HIVEP3: variants seen among roughly 807,000 people sequenced by gnomAD.
HIVEP3 encodes the protein transcription factor HIVEP3.
Under a neutral mutation model 152.8 loss-of-function variants are expected in HIVEP3, and 49 were observed. The ratio of observed to expected loss-of-function variants is 0.32; its 90% confidence interval spans 0.26 to 0.41. The LOEUF is 0.41. HIVEP3 is among the 10% of genes least tolerant of loss of function. The pLI is 1.00. For missense variants in HIVEP3, 2,790 were observed against 3,103.3 expected, an observed-to-expected ratio of 0.90 and a Z score of 2.40; for synonymous variants, 1,269 against 1,289.0, an observed-to-expected ratio of 0.98 and a Z score of 0.33.
At chr1:41,527,561 ACTCTTT>A (rs1643032717) in intron 5 of HIVEP3, among the ~76,000 whole-genome samples, 1 of 103,254 alleles carries the variant, frequency 9.7e-6, no homozygotes, top group African/African-American at 3.9e-5. Context: ...ACACCCTCAC[ACTCTTT>A]CACACTCCAC....
At chr1:41,898,332 A>AG (rs1644567239) in intron 1 of HIVEP3, among the ~76,000 whole-genome samples, 2 of 152,282 alleles carry the variant, frequency 1.3e-5, no homozygotes, top group South Asian at 4.1e-4. Context: ...GTCTCCCTGG[A>AG]GGGGGAGGGG....
At chr1:41,609,107 GAA>G (rs1644862618) in intron 3 of HIVEP3, among the ~76,000 whole-genome samples, 1 of 152,084 alleles carries the variant, frequency 6.6e-6, no homozygotes, top group Non-Finnish European at 1.5e-5. Context: ...AATTCCTAGG[GAA>G]GAGGTGGAGG....
intron 1 of HIVEP3, among the ~76,000 whole-genome samples, chr1:41,841,462 C>T (rs1003022691): frequency 2.0e-5 from 3 of 152,206 alleles, no homozygotes; most frequent in South Asian, 2.1e-4. Context: ...CAGTGCAGCA[C>T]TGATAAGCTG....
intron 1 of HIVEP3, among the ~76,000 whole-genome samples, chr1:41,766,432 T>C (rs11802977): frequency 0.044 from 6,637 of 152,256 alleles, 492 homozygotes; most frequent in African/African-American, 0.15. Context: ...TCATTAAACA[T>C]AACAATACCT....
At chr1:41,746,531 C>G (rs1288850640) in intron 1 of HIVEP3, among the ~76,000 whole-genome samples, 5 of 152,194 alleles carry the variant, frequency 3.3e-5, no homozygotes, top group African/African-American at 7.2e-5. Context: ...GGTGCAAGAG[C>G]TTCTGTCCAG....
At chr1:41,732,716 A>G (rs947791828) in intron 1 of HIVEP3, among the ~76,000 whole-genome samples, 6 of 151,998 alleles carry the variant, frequency 3.9e-5, no homozygotes, top group Non-Finnish European at 8.8e-5. Context: ...ACTCCCCATC[A>G]TACAGCACCT....
intron 1 of HIVEP3, among the ~76,000 whole-genome samples, chr1:41,803,817 A>G (rs1474936579): frequency 2.0e-5 from 3 of 152,184 alleles, no homozygotes; most frequent in African/African-American, 2.4e-5. Flanking sequence ...TCACGGGGAA[A>G]ATGTATCTTA....
chr1:41,861,154 CA>C (rs1248810715), intron 1 of HIVEP3, among the ~76,000 whole-genome samples: 1 of 152,146 alleles, frequency 6.6e-6, no homozygotes. Flanking sequence ...CTAATGACTC[CA>C]AATAAAACTC....
At chr1:41,636,201 C>G (rs1645270866) in intron 2 of HIVEP3, among the ~76,000 whole-genome samples, 1 of 152,060 alleles carries the variant, frequency 6.6e-6, no homozygotes, top group Admixed American at 6.5e-5. Flanking sequence ...AACCACATGG[C>G]AAATAGTGGC....
At chr1:41,932,126 T>C (rs995488801) in intron 1 of HIVEP3, among the ~76,000 whole-genome samples, 1 of 151,914 alleles carries the variant, frequency 6.6e-6, no homozygotes, top group African/African-American at 2.4e-5. Flanking sequence ...CTTCTATTCA[T>C]AGTTTGCAGA....
chr1:41,980,210 T>C (rs1340792155), intron 1 of HIVEP3, among the ~76,000 whole-genome samples: 1 of 152,212 alleles, frequency 6.6e-6, no homozygotes, highest in African/African-American at 2.4e-5. Context: ...CCCTAGTAAG[T>C]ATCTAAGAGA....
chr1:41,931,518 A>C (rs1305556750), intron 1 of HIVEP3, among the ~76,000 whole-genome samples: 2 of 151,986 alleles, frequency 1.3e-5, no homozygotes, highest in Non-Finnish European at 2.9e-5. Flanking sequence ...AAGTCTCAAA[A>C]TTGGGTACTG....
At chr1:41,641,247 G>C (rs1396600546) in intron 2 of HIVEP3, among the ~76,000 whole-genome samples, 1 of 152,254 alleles carries the variant, frequency 6.6e-6, no homozygotes, top group South Asian at 2.1e-4. Context: ...CAGTAGGACA[G>C]GGGCAGGGAG....
chr1:41,756,387 G>A (rs1249347348), intron 1 of HIVEP3, among the ~76,000 whole-genome samples: 2 of 152,188 alleles, frequency 1.3e-5, no homozygotes, highest in Non-Finnish European at 2.9e-5. Context: ...ATGAAGTAAC[G>A]TGATAAAATG....
intron 2 of HIVEP3, among the ~76,000 whole-genome samples, chr1:41,699,661 G>A (rs184440663): frequency 2.4e-4 from 36 of 152,248 alleles, no homozygotes; most frequent in African/African-American, 7.7e-4. Context: ...CCGGGGACCT[G>A]AAAGGATGCA....
chr1:41,805,542 C>T (rs1315322859), intron 1 of HIVEP3, among the ~76,000 whole-genome samples: 5 of 152,106 alleles, frequency 3.3e-5, no homozygotes, highest in Admixed American at 1.3e-4. Flanking sequence ...TCCCTCTGCC[C>T]CTCGTTTACA....
chr1:41,963,177 A>AT (rs1345643753), intron 1 of HIVEP3, among the ~76,000 whole-genome samples: 3 of 151,714 alleles, frequency 2.0e-5, no homozygotes, highest in Non-Finnish European at 2.9e-5. Flanking sequence ...ACGCCCAGCT[A>AT]TTTTTTTGTA....
intron 1 of HIVEP3, among the ~76,000 whole-genome samples, chr1:41,890,206 C>T (rs1385367163): frequency 2.0e-5 from 3 of 152,200 alleles, no homozygotes; most frequent in African/African-American, 7.2e-5. Flanking sequence ...AGAACCAAGC[C>T]TGGAATGCTC....
intron 1 of HIVEP3, among the ~76,000 whole-genome samples, chr1:41,775,184 T>G (rs1246187798): frequency 6.6e-6 from 1 of 152,190 alleles, no homozygotes; most frequent in Non-Finnish European, 1.5e-5. Flanking sequence ...ATGAATATTT[T>G]GAAACAAACT....
Sources: gnomAD v4.1 joint callset for allele counts (sites outside exome capture counted in the v4.1 genomes callset) on GRCh38, gnomAD v4.1.1 for gene constraint, MANE v1.5 for transcripts, NCBI Gene and HGNC (gene_info 2026-07-23, HGNC 2026-07-21) for gene names.